UNC13C: variants seen among roughly 807,000 people sequenced by gnomAD.
UNC13C encodes unc-13 homolog C, also known as protein unc-13 homolog C.
UNC13C carries 174 observed loss-of-function variants against 245.4 expected under a neutral mutation model. The ratio of observed to expected loss-of-function variants is 0.71; its 90% CI spans 0.63 to 0.80. UNC13C has a LOEUF of 0.80. UNC13C is among the 30% of genes least tolerant of loss of function. UNC13C has a pLI of 0.00. For synonymous variants in UNC13C, 992 were observed against 895.1 expected (o/e 1.11, Z -1.93); for missense variants, 2,829 against 2,602.9 (o/e 1.09, Z -1.89).
chr15:53,901,218 CTTT>C, the UNC13C span, among the ~76,000 whole-genome samples: 34 of 104,764 alleles, frequency 3.2e-4, no homozygotes, highest in Admixed American at 4.2e-4. Context: ...TCATAGATTT[CTTT>C]TTTTTTTTTT....
chr15:54,137,309 T>C (rs1162629248), intron 2 of UNC13C, among the ~76,000 whole-genome samples: 1 of 152,200 alleles, frequency 6.6e-6, no homozygotes, highest in Non-Finnish European at 1.5e-5. Context: ...GGCCTGTAAT[T>C]TTCTTGTAGA....
At chr15:53,939,358 C>T in the UNC13C span, among the ~76,000 whole-genome samples, 7,805 of 152,118 alleles carry the variant, frequency 0.051, 407 homozygotes, top group African/African-American at 0.13. Flanking sequence ...ACTCTACCAA[C>T]CAAAAAACCC....
chr15:54,085,308 G>C (rs189405204), intron 2 of UNC13C, among the ~76,000 whole-genome samples: 1 of 152,252 alleles, frequency 6.6e-6, no homozygotes, highest in Non-Finnish European at 1.5e-5. Flanking sequence ...CGGAAGTTTA[G>C]TTGCACTTTT....
chr15:54,079,994 G>A (rs1898849350), intron 2 of UNC13C, among the ~76,000 whole-genome samples: 2 of 107,678 alleles, frequency 1.9e-5, no homozygotes, highest in South Asian at 3.3e-4. Context: ...TCAAGGCCTG[G>A]TTTGTCGAGC....
chr15:53,840,754 A>C, the UNC13C span, among the ~76,000 whole-genome samples: 1 of 152,168 alleles, frequency 6.6e-6, no homozygotes, highest in African/African-American at 2.4e-5. Context: ...ATGGAAGGAC[A>C]AAGAGAAACA....
intron 2 of UNC13C, among the ~76,000 whole-genome samples, chr15:54,103,380 G>A (rs1490025512): frequency 3.3e-5 from 5 of 152,178 alleles, no homozygotes; most frequent in Non-Finnish European, 5.9e-5. Flanking sequence ...TATACCCAAA[G>A]CACTTTCTGT....
At chr15:54,351,298 A>T (rs1207237336) in intron 17 of UNC13C, among the ~76,000 whole-genome samples, 1 of 152,196 alleles carries the variant, frequency 6.6e-6, no homozygotes, top group African/African-American at 2.4e-5. Context: ...ATGATACGTG[A>T]CATTAAGCAA....
chr15:54,515,773 G>A lies in UNC13C; in HGVS notation c.5457+3943G>A, dbSNP rs192869010. ...GACATTCAGGGAAAAAGGAGGGTTC[G>A]TTTGTTCAGCTAAATTATTTTCATC... On this transcript the variant is annotated intron_variant, in intron 24 of 32. Transcript: ENST00000260323. Among the ~76,000 whole-genome samples the A allele has an allele frequency of 1.3e-3, 194 of 152,260 alleles. 3 individuals are homozygous for A. The highest frequency in any genetic ancestry group is 4.3e-3 in the African/African-American group (179 of 41,554).
chr15:54,009,629 C>A (rs1435484039), intron 1 of UNC13C, among the ~76,000 whole-genome samples: 1 of 151,682 alleles, frequency 6.6e-6, no homozygotes. Context: ...TTACTGCAAC[C>A]TCTGCCTCCC....
At chr15:54,020,363 C>T (rs112967497) in intron 2 of UNC13C, among the ~76,000 whole-genome samples, 2,767 of 150,690 alleles carry the variant, frequency 0.018, 87 homozygotes, top group African/African-American at 0.065. Flanking sequence ...CAACCTCCTC[C>T]TCCTGGGTTC....
chr15:54,192,236 G>A (rs1263270850), intron 4 of UNC13C, among the ~76,000 whole-genome samples: 1 of 151,980 alleles, frequency 6.6e-6, no homozygotes, highest in African/African-American at 2.4e-5. Context: ...TATATTTAGG[G>A]AATATTCTTT....
At chr15:54,386,168 T>C (rs1317877937) in intron 17 of UNC13C, among the ~76,000 whole-genome samples, 1 of 152,158 alleles carries the variant, frequency 6.6e-6, no homozygotes, top group African/African-American at 2.4e-5. Flanking sequence ...AAACCGAGGC[T>C]ACTAACTTGT....
intron 19 of UNC13C, among the ~76,000 whole-genome samples, chr15:54,454,855 G>C (rs371424002): frequency 6.6e-6 from 1 of 151,678 alleles, no homozygotes; most frequent in Admixed American, 6.6e-5. Flanking sequence ...GGGAACAAGT[G>C]GTGTTTGTTT....
intron 10 of UNC13C, among the ~76,000 whole-genome samples, chr15:54,289,335 C>G (rs1353980841): frequency 6.6e-6 from 1 of 152,024 alleles, no homozygotes; most frequent in Non-Finnish European, 1.5e-5. Flanking sequence ...ACCATTCCCA[C>G]TAATAAAAAA....
At chr15:54,337,089 C>G (rs17237515) in intron 16 of UNC13C, among the ~76,000 whole-genome samples, 39,333 of 152,034 alleles carry the variant, frequency 0.26, 5,449 homozygotes, top group Admixed American at 0.34. Flanking sequence ...TCTCACTTCA[C>G]CAAAAATAAT....
chr15:54,151,306 A>G (rs1205053666), intron 4 of UNC13C, among the ~76,000 whole-genome samples: 2 of 152,118 alleles, frequency 1.3e-5, no homozygotes, highest in African/African-American at 4.8e-5. Context: ...TTTTACTTCC[A>G]TTATTTAATA....
chr15:53,917,341 A>T, the UNC13C span, among the ~76,000 whole-genome samples: 50,076 of 151,868 alleles, frequency 0.33, 8,512 homozygotes, highest in East Asian at 0.54. Flanking sequence ...TCTAGCTGAC[A>T]CAGCTTTTAA....
chr15:54,298,022 T>C (rs2037481615), intron 12 of UNC13C, 96 bp downstream of exon 12: 4 of 884,468 alleles, frequency 4.5e-6, no homozygotes, highest in Non-Finnish European at 7.0e-6. Context: ...ATTGAATTTG[T>C]AGAGTGGTTC....
rs1044554647 is a variant in UNC13C, at chr15:54,370,414, T to C, written c.4714-22634T>C. 3.3e-5 allele frequency among the ~76,000 whole-genome samples: 5 copies of C among 152,178 alleles called. No homozygotes were observed. The South Asian group carries it at 1.0e-3, about 32-fold the overall frequency. On this transcript the variant is annotated intron_variant, in intron 17 of 32. Coordinates refer to ENST00000260323, the MANE Select transcript of UNC13C (RefSeq NM_001080534.3). Reference sequence around the variant, plus strand: ...AATGAAATATAGACATTTAGACATATAGATTTACTTACTTGTCATTAAGCC... The same window carrying C: ...AATGAAATATAGACATTTAGACATACAGATTTACTTACTTGTCATTAAGCC...
Sources: allele counts gnomAD v4.1 joint callset (sites outside exome capture counted in the v4.1 genomes callset), GRCh38; gene constraint gnomAD v4.1.1; transcripts MANE v1.5; gene names NCBI Gene and HGNC (gene_info 2026-07-23, HGNC 2026-07-21).